Variants in SCARA3 observed in about 807,000 individuals in gnomAD.
SCARA3 encodes scavenger receptor class A member 3.
In SCARA3, 39 loss-of-function variants were observed where a neutral mutation model predicts 47.0. The observed-to-expected ratio is 0.83, with a 90% CI of 0.64 to 1.08. The LOEUF (loss-of-function observed/expected upper bound fraction) is 1.08, where lower values mean the gene tolerates loss of function less well. Among genes scored for constraint, SCARA3 ranks in the 50% least tolerant of loss-of-function variants. SCARA3 has a pLI of 0.00. For synonymous variants in SCARA3, 356 were observed against 334.1 expected (o/e 1.07, Z -0.71); for missense variants, 724 against 792.3 (o/e 0.91, Z 1.04).
chr8:27,694,846 T>C, the SCARA3 span, among the ~76,000 whole-genome samples: 1 of 151,688 alleles, frequency 6.6e-6, no homozygotes, highest in Non-Finnish European at 1.5e-5. Flanking sequence ...AGCTGGGGAG[T>C]CAAGAATTCA....
chr8:27,660,033 CT>C (rs1465137459), intron 5 of SCARA3, among the ~76,000 whole-genome samples: 1 of 151,944 alleles, frequency 6.6e-6, no homozygotes, highest in African/African-American at 2.4e-5. Context: ...CAGATCTTGT[CT>C]TTTGAAAACT....
Position 27,671,792 on chromosome 8 carries a change from TATCCATGCACACAA to T in SCARA3, c.*443_*456del. ...CGCACACACACATGCACTGCACACA[TATCCATGCACACAA>T]ACACATATATACACATGCACATACA... On this transcript the variant is annotated 3_prime_UTR_variant, in exon 6 of 6. Transcript: ENST00000301904. The T allele has an allele frequency of 1.0e-6, 1 of 990,448 alleles. No homozygotes were observed. Among genetic ancestry groups the T allele is most frequent in the Non-Finnish European group, 1.2e-6 (1 of 833,518 alleles). The allele number at this position is 990,448 out of a possible 1,614,324, so 61.4% of individuals were successfully genotyped here.
At chr8:27,727,916 G>A in the SCARA3 span, among the ~76,000 whole-genome samples, 2 of 152,156 alleles carry the variant, frequency 1.3e-5, no homozygotes, top group Non-Finnish European at 2.9e-5. Flanking sequence ...GGAATCCACG[G>A]GCCCAGGAAG....
chr8:27,721,383 A>T, the SCARA3 span, among the ~76,000 whole-genome samples: 74 of 152,310 alleles, frequency 4.9e-4, no homozygotes, highest in African/African-American at 1.6e-3. Flanking sequence ...AGTAACAAAC[A>T]TTTCAGGTCT....
intron 1 of SCARA3, among the ~76,000 whole-genome samples, chr8:27,648,612 AAAAAAAGG>A (rs916713339): frequency 3.0e-4 from 45 of 152,222 alleles, no homozygotes; most frequent in African/African-American, 1.0e-3. Context: ...TCAAAAGAAA[AAAAAAAGG>A]AAAAAAGGAA....
chr8:27,698,793 T>C, the SCARA3 span, among the ~76,000 whole-genome samples: 3 of 152,132 alleles, frequency 2.0e-5, no homozygotes, highest in Non-Finnish European at 4.4e-5. Flanking sequence ...GGAATGAATT[T>C]AGTAAAGGAT....
At chr8:27,695,308 T>A in the SCARA3 span, among the ~76,000 whole-genome samples, 31 of 152,024 alleles carry the variant, frequency 2.0e-4, no homozygotes, top group Non-Finnish European at 3.7e-4. Flanking sequence ...AGGGTCTGGG[T>A]TTTTCACAGA....
In SCARA3 at chr8:27,672,364, C is replaced by T. The variant is rs1447261260; in HGVS notation, c.*1013C>T. 3.0e-6 allele frequency: 3 copies of T among 985,384 alleles called. No homozygotes were observed. The highest frequency in any genetic ancestry group is 3.6e-6 in the Non-Finnish European group (3 of 829,992). 61.0% of individuals were successfully genotyped at this position (985,384 alleles called of 1,614,324 possible). The stretch of plus-strand genomic sequence containing the variant: ...ATTGGGCCTGAGTGGAGATGGGAGA[C>T]AGAGGCAGGCCAGAAGGTTCTCTCT... On this transcript the variant is annotated 3_prime_UTR_variant, in exon 6 of 6. Coordinates refer to ENST00000301904, the MANE Select transcript of SCARA3 (RefSeq NM_016240.3).
the SCARA3 span, among the ~76,000 whole-genome samples, chr8:27,704,153 G>A: frequency 6.6e-6 from 1 of 151,996 alleles, no homozygotes; most frequent in Non-Finnish European, 1.5e-5. Flanking sequence ...TTAACAAGAA[G>A]AGTGAATATT....
chr8:27,676,850 C>T (rs1244354644), downstream of SCARA3: 2 of 301,098 alleles, frequency 6.6e-6, no homozygotes, highest in South Asian at 5.7e-5. Flanking sequence ...AACTCTGTTG[C>T]GTCCAACACT....
chr8:27,691,577 G>A, the SCARA3 span, among the ~76,000 whole-genome samples: 7 of 152,080 alleles, frequency 4.6e-5, no homozygotes, highest in African/African-American at 7.2e-5. Flanking sequence ...AAGTCCCTCC[G>A]TCTGCTGCAT....
At position 27,672,353 on chromosome 8, in the gene SCARA3, G is replaced by C; in HGVS notation, c.*1002G>C. On this transcript the variant is annotated 3_prime_UTR_variant, in exon 6 of 6. Transcript: ENST00000301904. ...GGCCCTGGAACATTGGGCCTGAGTG[G>C]AGATGGGAGACAGAGGCAGGCCAGA... 1.0e-6 allele frequency: 1 copy of C among 985,492 alleles called. No individual in the cohort carries two copies. Among genetic ancestry groups the C allele is most frequent in the Non-Finnish European group, 1.2e-6 (1 of 829,968 alleles). 61.0% of individuals were successfully genotyped at this position (985,492 alleles called of 1,614,324 possible). A position where few individuals can be genotyped will look rare whatever the true frequency, so the allele number is the denominator to read the frequency against.
At chr8:27,664,481 C>G (rs2128922356) in intron 5 of SCARA3, among the ~76,000 whole-genome samples, 1 of 152,130 alleles carries the variant, frequency 6.6e-6, no homozygotes, top group African/African-American at 2.4e-5. Flanking sequence ...AAATCCTGAC[C>G]CCTCTCCAAT....
chr8:27,672,146 C>T lies in SCARA3; in HGVS notation c.*795C>T. 1 of 985,472 alleles carries T rather than the reference C, an allele frequency of 1.0e-6. No individual in the cohort carries two copies. Among genetic ancestry groups the T allele is most frequent in the Non-Finnish European group, 1.2e-6 (1 of 829,948 alleles). 61.0% of individuals were successfully genotyped at this position (985,472 alleles called of 1,614,324 possible). A position where few individuals can be genotyped will look rare whatever the true frequency, so the allele number is the denominator to read the frequency against. On this transcript the variant is annotated 3_prime_UTR_variant, in exon 6 of 6. Transcript: ENST00000301904. ...ATACCCGGGAGCTGTCCCTGTCTGT[C>T]ACAGCACAGTGGGGCCACGAGGCTG...
the SCARA3 span, chr8:27,703,844 C>CTTTTTTTTTTTTTTTTTTTTTTTTTTT: frequency 3.7e-5 from 2 of 54,524 alleles, no homozygotes; most frequent in African/African-American, 1.3e-4. Context: ...GTGCTTTCTA[C>CTTTTTTTTTTTTTTTTTTTTTTTTTTT]TTTTTTTTTT....
Position 27,671,771 on chromosome 8 carries a change from C to T in SCARA3, c.*420C>T, listed in dbSNP as rs1802172761. The T allele has an allele frequency of 5.0e-6, 5 of 998,044 alleles. No individual in the cohort carries two copies. The Admixed American group carries it at 3.0e-4, about 60-fold the overall frequency. The allele number at this position is 998,044 out of a possible 1,614,324, so 61.8% of individuals were successfully genotyped here. A position where few individuals can be genotyped will look rare whatever the true frequency, so the allele number is the denominator to read the frequency against. On this transcript the variant is annotated 3_prime_UTR_variant, in exon 6 of 6. Coordinates refer to ENST00000301904, the MANE Select transcript of SCARA3 (RefSeq NM_016240.3). ...ATGCACAGGCACACACATGTACGCACACACACATGCACTGCACACATATCC... is the reference window on the plus strand; with the variant it reads ...ATGCACAGGCACACACATGTACGCATACACACATGCACTGCACACATATCC...
At chr8:27,680,696 G>A (rs506343), downstream of SCARA3, among the ~76,000 whole-genome samples, 145,862 of 152,224 alleles carry the variant, frequency 0.96, 70,206 homozygotes, top group Middle Eastern at 1. Flanking sequence ...AAATAAAATC[G>A]TAGACAAATA....
At chr8:27,677,277 TA>T (rs1802292780), downstream of SCARA3, among the ~76,000 whole-genome samples, 1 of 152,094 alleles carries the variant, frequency 6.6e-6, no homozygotes, top group African/African-American at 2.4e-5. Context: ...GCCATAGTCT[TA>T]TGGGAAGAAG....
the SCARA3 span, among the ~76,000 whole-genome samples, chr8:27,732,467 C>A: frequency 1.4e-4 from 21 of 152,100 alleles, no homozygotes; most frequent in Non-Finnish European, 2.5e-4. Context: ...CAAAAATTGA[C>A]ACAATAATGA....
Sources: allele counts gnomAD v4.1 joint callset (sites outside exome capture counted in the v4.1 genomes callset), GRCh38; gene constraint gnomAD v4.1.1; transcripts MANE v1.5; gene names NCBI Gene and HGNC (gene_info 2026-07-23, HGNC 2026-07-21).